Variants in NEMP2 observed in about 807,000 individuals in gnomAD.
The protein encoded by NEMP2 is UPF0571 transmembrane protein.
Under a neutral mutation model 54.2 loss-of-function variants are expected in NEMP2, and 53 were observed. That is an observed-to-expected ratio of 0.98 (90% CI 0.78 to 1.23). The LOEUF (loss-of-function observed/expected upper bound fraction) is 1.23, where lower values mean the gene tolerates loss of function less well. NEMP2 is among the 50% of genes most tolerant of loss of function. NEMP2 has a pLI of 0.00. For synonymous variants in NEMP2, 197 were observed against 190.3 expected (o/e 1.04, Z -0.29); for missense variants, 455 against 511.3 (o/e 0.89, Z 1.06).
the NEMP2 span, among the ~76,000 whole-genome samples, chr2:190,478,402 CTTTG>C: frequency 6.6e-6 from 1 of 152,160 alleles, no homozygotes; most frequent in African/African-American, 2.4e-5. Context: ...AATCCCTTGC[CTTTG>C]TTTGACCCAT....
chr2:190,518,084 A>G lies in NEMP2; in HGVS notation c.519-471T>C, dbSNP rs189252779. Among the ~76,000 whole-genome samples, 5 of 152,302 alleles carry G rather than the reference A, an allele frequency of 3.3e-5. No individual in the cohort carries two copies. In the East Asian group the frequency reaches 9.6e-4, roughly 29 times the overall value. ...GACATTAAACACACTTGGTAATACT[A>G]TAAGGAAAAGCTTCAAAATGAACAA... On this transcript the variant is annotated intron_variant, in intron 4 of 8. Coordinates refer to ENST00000409150, the MANE Select transcript of NEMP2 (RefSeq NM_001142645.2).
the NEMP2 span, among the ~76,000 whole-genome samples, chr2:190,647,625 T>G: frequency 2.0e-5 from 3 of 152,196 alleles, no homozygotes. Flanking sequence ...TTTTTCCACT[T>G]TTTGCAAAGA....
the NEMP2 span, among the ~76,000 whole-genome samples, chr2:190,432,871 C>T: frequency 9.1e-5 from 13 of 142,838 alleles, 1 homozygote; most frequent in Non-Finnish European, 2.0e-4. Context: ...CACTCACTTA[C>T]TCACACATAC....
the NEMP2 span, chr2:190,469,950 G>T: frequency 1.2e-6 from 1 of 816,490 alleles, no homozygotes. The surrounding 1 kb of genome is among the most constrained non-coding windows in gnomAD (Gnocchi z 5.3). Flanking sequence ...TATAAAGGAA[G>T]GGCAGGCCTA....
chr2:190,581,836 G>A, the NEMP2 span, among the ~76,000 whole-genome samples: 1 of 152,066 alleles, frequency 6.6e-6, no homozygotes, highest in Non-Finnish European at 1.5e-5. Flanking sequence ...CCCAAGAGAT[G>A]ACTGTTAAAG....
At chr2:190,425,051 A>G in the NEMP2 span, among the ~76,000 whole-genome samples, 1 of 152,238 alleles carries the variant, frequency 6.6e-6, no homozygotes, top group African/African-American at 2.4e-5. This position sits in a 1 kb window ranked among gnomAD's most constrained non-coding sequence, Gnocchi z 4.3. Flanking sequence ...TATGGTTTTC[A>G]GCATAAGGCC....
At chr2:190,559,701 A>G in the NEMP2 span, among the ~76,000 whole-genome samples, 1 of 152,226 alleles carries the variant, frequency 6.6e-6, no homozygotes, top group Non-Finnish European at 1.5e-5. This position sits in a 1 kb window ranked among gnomAD's most constrained non-coding sequence, Gnocchi z 4.0. Context: ...AGTTAGCAAC[A>G]AAAAGAGGTG....
At chr2:190,497,875 AGTT>A in the NEMP2 span, 2 of 847,910 alleles carry the variant, frequency 2.4e-6, no homozygotes, top group Non-Finnish European at 3.6e-6. This position sits in a 1 kb window ranked among gnomAD's most constrained non-coding sequence, Gnocchi z 5.2. Context: ...GTGAGCACTG[AGTT>A]AAAGAGGGTG....
the NEMP2 span, among the ~76,000 whole-genome samples, chr2:190,588,893 G>A: frequency 1.3e-5 from 2 of 152,090 alleles, no homozygotes; most frequent in Non-Finnish European, 2.9e-5. The surrounding 1 kb of genome is among the most constrained non-coding windows in gnomAD (Gnocchi z 5.0). Context: ...CTATGTGGTT[G>A]GATACATATC....
At chr2:190,460,590 A>T in the NEMP2 span, among the ~76,000 whole-genome samples, 3 of 152,258 alleles carry the variant, frequency 2.0e-5, no homozygotes, top group Non-Finnish European at 4.4e-5. Context: ...AGCCAGCATA[A>T]TATGAAAGTC....
chr2:190,500,288 C>A, downstream of NEMP2: 1 of 1,545,420 alleles, frequency 6.5e-7, no homozygotes, highest in Non-Finnish European at 8.9e-7. The surrounding 1 kb of genome is among the most constrained non-coding windows in gnomAD (Gnocchi z 5.3). Context: ...TGAGGCCCCC[C>A]AGCCAGGATA....
the NEMP2 span, among the ~76,000 whole-genome samples, chr2:190,597,225 A>T: frequency 9.3e-5 from 14 of 150,350 alleles, no homozygotes; most frequent in African/African-American, 3.2e-4. This position sits in a 1 kb window ranked among gnomAD's most constrained non-coding sequence, Gnocchi z 4.7. Flanking sequence ...TGATCATGTC[A>T]CTGCACGCCA....
chr2:190,571,912 G>T, the NEMP2 span, among the ~76,000 whole-genome samples: 1 of 151,958 alleles, frequency 6.6e-6, no homozygotes, highest in East Asian at 1.9e-4. Context: ...TAGATTCTTG[G>T]TCTCTCTACC....
the NEMP2 span, among the ~76,000 whole-genome samples, chr2:190,616,458 TTAA>T: frequency 5.9e-5 from 9 of 152,268 alleles, no homozygotes; most frequent in African/African-American, 2.2e-4. The surrounding 1 kb of genome is among the most constrained non-coding windows in gnomAD (Gnocchi z 5.1). Context: ...ATATAATGTG[TTAA>T]TAAAACTTAA....
chr2:190,609,862 A>G, the NEMP2 span: 2 of 152,144 alleles, frequency 1.3e-5, no homozygotes, highest in South Asian at 2.1e-4. This position sits in a 1 kb window ranked among gnomAD's most constrained non-coding sequence, Gnocchi z 4.7. Context: ...TGTTCCCTCT[A>G]TTGGCTCTAT....
intron 6 of NEMP2, among the ~76,000 whole-genome samples, chr2:190,515,632 G>A (rs1360005413): frequency 6.6e-6 from 1 of 152,108 alleles, no homozygotes; most frequent in African/African-American, 2.4e-5. Flanking sequence ...AAAGAAGAAC[G>A]AGCTAAAAAT....
the NEMP2 span, among the ~76,000 whole-genome samples, chr2:190,480,035 C>A: frequency 6.6e-5 from 10 of 152,242 alleles, no homozygotes; most frequent in Admixed American, 5.2e-4. Context: ...TGGTGGCATG[C>A]GCCTGTGGTC....
the NEMP2 span, among the ~76,000 whole-genome samples, chr2:190,483,944 A>G: frequency 1.3e-5 from 2 of 151,972 alleles, no homozygotes; most frequent in Non-Finnish European, 2.9e-5. Context: ...AAGTCTTGGC[A>G]GTAGGTAGTG....
At chr2:190,427,852 C>T in the NEMP2 span, among the ~76,000 whole-genome samples, 1 of 152,130 alleles carries the variant, frequency 6.6e-6, no homozygotes, top group African/African-American at 2.4e-5. Context: ...CTGTCTCAGC[C>T]TCCTGAGTAG....
Sources: gnomAD v4.1 joint callset for allele counts (sites outside exome capture counted in the v4.1 genomes callset) on GRCh38, gnomAD v4.1.1 for gene constraint, Gnocchi (gnomAD v3.1) non-coding constraint, MANE v1.5 for transcripts, NCBI Gene and HGNC (gene_info 2026-07-23, HGNC 2026-07-21) for gene names.